The following FAM163B variants were observed in gnomAD, a reference collection of about 807,000 sequenced individuals.
FAM163B encodes the protein protein FAM163B.
FAM163B carries 4 observed loss-of-function variants against 7.6 expected under a neutral mutation model. The observed-to-expected ratio is 0.52, with a 90% confidence interval of 0.26 to 1.20. FAM163B has a LOEUF of 1.20. FAM163B is among the 50% of genes most tolerant of loss of function. The probability of loss-of-function intolerance (pLI) is 0.14; values close to 1 mark genes in which losing one functional copy is unlikely to be tolerated. For synonymous variants in FAM163B, 120 were observed against 111.6 expected, an observed-to-expected ratio of 1.07 and a Z score of -0.47; for missense variants, 250 against 243.0, an observed-to-expected ratio of 1.03 and a Z score of -0.19.
intron 1 of FAM163B, among the ~76,000 whole-genome samples, chr9:133,605,694 C>T (rs942485696): frequency 4.6e-5 from 7 of 152,184 alleles, no homozygotes; most frequent in African/African-American, 1.7e-4. Context: ...CCCAGGGCCC[C>T]GGGGCCGCAA....
intron 1 of FAM163B, among the ~76,000 whole-genome samples, chr9:133,581,784 G>T (rs991900825): frequency 3.3e-5 from 5 of 152,164 alleles, no homozygotes; most frequent in Non-Finnish European, 7.3e-5. Flanking sequence ...ATCACTCCCA[G>T]GGGCCTGGTG....
chr9:133,598,833 A>G (rs138860655), intron 1 of FAM163B, among the ~76,000 whole-genome samples: 6 of 152,238 alleles, frequency 3.9e-5, no homozygotes, highest in African/African-American at 1.4e-4. Flanking sequence ...ACAGGTGGCA[A>G]ATGAACACCT....
intron 1 of FAM163B, among the ~76,000 whole-genome samples, chr9:133,590,168 C>CTCCCCTTCCCT (rs1831528023): frequency 8.7e-6 from 1 of 115,420 alleles, no homozygotes; most frequent in African/African-American, 3.2e-5. Flanking sequence ...TCCCCTTCCC[C>CTCCCCTTCCCT]TCCCCTTCTT....
At chr9:133,605,664 T>G (rs1229755181) in intron 1 of FAM163B, among the ~76,000 whole-genome samples, 1 of 152,198 alleles carries the variant, frequency 6.6e-6, no homozygotes, top group African/African-American at 2.4e-5. Context: ...ACTGAGCTGC[T>G]GCTGAAACAA....
intron 1 of FAM163B, among the ~76,000 whole-genome samples, chr9:133,593,570 G>A (rs1379318007): frequency 1.3e-5 from 2 of 152,216 alleles, no homozygotes; most frequent in African/African-American, 2.4e-5. Flanking sequence ...CTGGGAGTCA[G>A]AAAGGCTTAG....
intron 1 of FAM163B, among the ~76,000 whole-genome samples, chr9:133,587,926 CAG>C (rs1180897473): frequency 1.4e-5 from 2 of 140,660 alleles, no homozygotes; most frequent in African/African-American, 5.4e-5. Flanking sequence ...AGGGAAGGGA[CAG>C]AGAAAAGAGA....
chr9:133,579,119 G>T lies in FAM163B; in HGVS notation c.404C>A (p.Pro135Gln), dbSNP rs755651229. The T allele has an allele frequency of 3.1e-6, 5 of 1,606,676 alleles. No individual in the cohort carries two copies. Residue 135 changes from proline to glutamine, a missense_variant, in exon 3 of 3, where the codon CCG becomes CAG. Coordinates refer to ENST00000673969, the MANE Select transcript of FAM163B (RefSeq NM_001080515.3). ...CGCCTGCAGGCCCCCGAAGCCCCCC[G>T]GGGGCAGCTCCACGTCCTCCTGGCT... ...SVSQEDVELP[P>Q]GGFGGLQALN...
chr9:133,586,569 C>T (rs1392526883), intron 1 of FAM163B, among the ~76,000 whole-genome samples: 1 of 152,294 alleles, frequency 6.6e-6, no homozygotes, highest in South Asian at 2.1e-4. Flanking sequence ...CTGGAGAGCC[C>T]CCTGGGGTCA....
chr9:133,595,188 CAGGCTGG>C (rs1484760472), intron 1 of FAM163B, among the ~76,000 whole-genome samples: 2 of 152,216 alleles, frequency 1.3e-5, no homozygotes, highest in Non-Finnish European at 2.9e-5. Context: ...CTCTGTCACC[CAGGCTGG>C]AGTGCAATGG....
In FAM163B at chr9:133,582,849, C is replaced by T. The variant is rs1351021165; in HGVS notation, c.-23-2603G>A. 3.3e-5 allele frequency among the ~76,000 whole-genome samples: 5 copies of T among 152,198 alleles called. No individual in the cohort carries two copies. The East Asian group carries it at 7.7e-4, about 23-fold the overall frequency. ...TGCTCAGGCTGTGGCCAGGCTGTAG[C>T]CACGGGTGGGGTTTTCAGCCACATG... On this transcript the variant is annotated intron_variant, in intron 1 of 2. Coordinates refer to ENST00000673969, the MANE Select transcript of FAM163B (RefSeq NM_001080515.3).
At chr9:133,591,734 G>C (rs569466948) in intron 1 of FAM163B, among the ~76,000 whole-genome samples, 146 of 152,296 alleles carry the variant, frequency 9.6e-4, no homozygotes, top group African/African-American at 3.2e-3. Flanking sequence ...CCACTGTCCC[G>C]AAGGATGGCC....
chr9:133,582,373 G>T (rs1222989087), intron 1 of FAM163B, among the ~76,000 whole-genome samples: 2 of 152,192 alleles, frequency 1.3e-5, no homozygotes, highest in Non-Finnish European at 2.9e-5. Flanking sequence ...ATGTTCAAAT[G>T]ATCCCACTAG....
intron 1 of FAM163B, among the ~76,000 whole-genome samples, chr9:133,599,156 T>A (rs1226862448): frequency 6.6e-6 from 1 of 152,180 alleles, no homozygotes; most frequent in Non-Finnish European, 1.5e-5. Context: ...TTCTCGCCTT[T>A]AAATGCCTCA....
At chr9:133,603,856 AG>A (rs1195724688) in intron 1 of FAM163B, among the ~76,000 whole-genome samples, 2 of 151,772 alleles carry the variant, frequency 1.3e-5, no homozygotes, top group Non-Finnish European at 2.9e-5. Flanking sequence ...TTTTTGGGGG[AG>A]GGGGCAGAGT....
chr9:133,583,616 C>T (rs1466465475), intron 1 of FAM163B, among the ~76,000 whole-genome samples: 3 of 152,304 alleles, frequency 2.0e-5, no homozygotes, highest in South Asian at 2.1e-4. Flanking sequence ...GAGCTGGCCC[C>T]GCTCGCCGCA....
At chr9:133,608,450 A>C (rs10821523) in intron 1 of FAM163B, among the ~76,000 whole-genome samples, 101,400 of 151,926 alleles carry the variant, frequency 0.67, 35,757 homozygotes, top group African/African-American at 0.9. Flanking sequence ...CAGTTAGGCA[A>C]CCCCCCACCT....
intron 1 of FAM163B, among the ~76,000 whole-genome samples, chr9:133,604,407 GAC>G (rs954866388): frequency 8.5e-6 from 1 of 117,722 alleles, no homozygotes; most frequent in Non-Finnish European, 1.9e-5. Context: ...CAGTGTGGCT[GAC>G]ACACACGTCA....
At chr9:133,582,202 A>T (rs943854594) in intron 1 of FAM163B, among the ~76,000 whole-genome samples, 3 of 152,130 alleles carry the variant, frequency 2.0e-5, no homozygotes, top group Non-Finnish European at 4.4e-5. Flanking sequence ...AGTGAACCAA[A>T]AGTGACCCTG....
At chr9:133,605,090 G>A (rs1005879991) in intron 1 of FAM163B, among the ~76,000 whole-genome samples, 1 of 152,250 alleles carries the variant, frequency 6.6e-6, no homozygotes, top group African/African-American at 2.4e-5. Flanking sequence ...CGAGGCCTGT[G>A]GGCCCCGAGG....
Sources: allele counts gnomAD v4.1 joint callset (sites outside exome capture counted in the v4.1 genomes callset), GRCh38; gene constraint gnomAD v4.1.1; transcripts MANE v1.5; gene names NCBI Gene and HGNC (gene_info 2026-07-23, HGNC 2026-07-21).